Variants in DLG2 observed in about 807,000 individuals in gnomAD.
DLG2 encodes the protein disks large homolog 2.
Under a neutral mutation model 132.5 loss-of-function variants are expected in DLG2, and 45 were observed. That is an observed-to-expected ratio of 0.34 (90% confidence interval 0.27 to 0.44). The LOEUF is 0.44. DLG2 is among the 20% of genes least tolerant of loss of function. DLG2 has a pLI of 1.00. For missense variants in DLG2, 1,045 were observed against 1,196.9 expected (o/e 0.87, Z 1.87); for synonymous variants, 424 against 419.6 (o/e 1.01, Z -0.13).
At chr11:84,076,925 C>T (rs969029241) in intron 10 of DLG2, among the ~76,000 whole-genome samples, 2 of 152,186 alleles carry the variant, frequency 1.3e-5, no homozygotes, top group African/African-American at 4.8e-5. Context: ...TTACTGCATG[C>T]AAACCCACCG....
intron 11 of DLG2, among the ~76,000 whole-genome samples, chr11:84,057,764 C>A (rs1261556791): frequency 6.6e-6 from 1 of 152,114 alleles, no homozygotes; most frequent in Non-Finnish European, 1.5e-5. Context: ...CTCATCTAAT[C>A]CTCACAACAT....
chr11:83,473,865 C>T (rs977357463), intron 22 of DLG2, among the ~76,000 whole-genome samples: 14 of 151,968 alleles, frequency 9.2e-5, no homozygotes, highest in African/African-American at 2.2e-4. Flanking sequence ...TTAATATGAT[C>T]GACTGTTTTG....
chr11:84,126,283 TA>T lies in DLG2; in HGVS notation c.625-27237del, dbSNP rs1438798252. Among the ~76,000 whole-genome samples the T allele has an allele frequency of 2.0e-5, 3 of 152,218 alleles. No homozygotes were observed. The East Asian group carries it at 5.8e-4, about 29-fold the overall frequency. ...TCTTTTATGTTAGCGAAGAACTGAA[TA>T]AACTTAAATAAATATTGATGGCAGA... On this transcript the variant is annotated intron_variant, in intron 9 of 27. Transcript: ENST00000376104.
At chr11:84,797,405 T>C (rs1296153265) in intron 6 of DLG2, among the ~76,000 whole-genome samples, 1 of 152,206 alleles carries the variant, frequency 6.6e-6, no homozygotes, top group Admixed American at 6.5e-5. Context: ...TTAGGCATGC[T>C]TCATTCTTTT....
chr11:83,817,113 G>A (rs1360761019), intron 17 of DLG2, among the ~76,000 whole-genome samples: 2 of 152,126 alleles, frequency 1.3e-5, no homozygotes, highest in Non-Finnish European at 2.9e-5. Flanking sequence ...AACAAGACAA[G>A]CATTGTCCTG....
At chr11:84,904,841 G>T (rs1005316296) in intron 6 of DLG2, among the ~76,000 whole-genome samples, 3 of 152,156 alleles carry the variant, frequency 2.0e-5, no homozygotes, top group Non-Finnish European at 4.4e-5. Flanking sequence ...AAATAATGGA[G>T]AAATTTACTT....
At chr11:83,578,056 G>GTA (rs1565885425) in intron 19 of DLG2, among the ~76,000 whole-genome samples, 2 of 111,184 alleles carry the variant, frequency 1.8e-5, no homozygotes, top group Non-Finnish European at 3.5e-5. Flanking sequence ...GTGTGTGTGT[G>GTA]TATACATATA....
chr11:84,732,244 A>G (rs1021250411), intron 6 of DLG2, among the ~76,000 whole-genome samples: 1 of 152,132 alleles, frequency 6.6e-6, no homozygotes, highest in Admixed American at 6.6e-5. Context: ...ATATCTGTGC[A>G]TAAGTCTCTG....
chr11:84,619,748 C>T (rs1325389348), intron 6 of DLG2, among the ~76,000 whole-genome samples: 4 of 151,326 alleles, frequency 2.6e-5, no homozygotes, highest in Non-Finnish European at 5.9e-5. Context: ...AAAATTAATG[C>T]TTTTTTTAAA....
At chr11:84,968,702 CA>C (rs973933837) in intron 6 of DLG2, among the ~76,000 whole-genome samples, 2 of 152,060 alleles carry the variant, frequency 1.3e-5, no homozygotes, top group Non-Finnish European at 2.9e-5. Context: ...AGCTATTTCT[CA>C]GTGCAAGTCA....
At chr11:85,458,177 A>C (rs1156278909) in intron 3 of DLG2, among the ~76,000 whole-genome samples, 2 of 152,152 alleles carry the variant, frequency 1.3e-5, no homozygotes, top group African/African-American at 4.8e-5. Flanking sequence ...TTATTTCAAC[A>C]AGACAGTCTC....
At chr11:84,125,131 T>C (rs1042368656) in intron 9 of DLG2, among the ~76,000 whole-genome samples, 1 of 152,124 alleles carries the variant, frequency 6.6e-6, no homozygotes, top group African/African-American at 2.4e-5. Flanking sequence ...ATTACAGGTG[T>C]GAGCCACCGT....
At chr11:83,986,538 A>G (rs1235447165) in intron 11 of DLG2, among the ~76,000 whole-genome samples, 1 of 151,196 alleles carries the variant, frequency 6.6e-6, no homozygotes, top group East Asian at 1.9e-4. Context: ...ATGTGTCTTT[A>G]TAGCAGCAAG....
chr11:85,133,040 T>C, intron 5 of DLG2: 1 of 346,094 alleles, frequency 2.9e-6, no homozygotes. Context: ...TCCCGGTGGC[T>C]TCCTGGGCTC....
chr11:84,578,886 T>C (rs1413188320), intron 6 of DLG2, among the ~76,000 whole-genome samples: 1 of 152,124 alleles, frequency 6.6e-6, no homozygotes. Context: ...TCCCACATGT[T>C]GTGGGAGGCA....
chr11:85,462,561 A>T (rs1399808672), intron 3 of DLG2, among the ~76,000 whole-genome samples: 1 of 152,074 alleles, frequency 6.6e-6, no homozygotes, highest in Non-Finnish European at 1.5e-5. Flanking sequence ...ACAAAAAACC[A>T]AACACCGCAT....
chr11:84,234,601 C>T (rs2097135312), intron 8 of DLG2, among the ~76,000 whole-genome samples: 1 of 152,154 alleles, frequency 6.6e-6, no homozygotes, highest in South Asian at 2.1e-4. Context: ...CAAGTGCATT[C>T]TAAAGTAAAC....
chr11:84,760,611 A>G (rs554934972), intron 6 of DLG2, among the ~76,000 whole-genome samples: 18 of 152,318 alleles, frequency 1.2e-4, no homozygotes, highest in Admixed American at 1.1e-3. Context: ...GCACACCTTC[A>G]TGACTATACT....
intron 18 of DLG2, among the ~76,000 whole-genome samples, chr11:83,636,481 T>A (rs2064877986): frequency 6.6e-6 from 1 of 152,176 alleles, no homozygotes; most frequent in African/African-American, 2.4e-5. Flanking sequence ...AACATGCATC[T>A]CCCCTAGTGC....
Sources: gnomAD v4.1 joint callset for allele counts (sites outside exome capture counted in the v4.1 genomes callset) on GRCh38, gnomAD v4.1.1 for gene constraint, MANE v1.5 for transcripts, NCBI Gene and HGNC (gene_info 2026-07-23, HGNC 2026-07-21) for gene names.